The following PTBP2 variants were observed in gnomAD, a reference collection of about 807,000 sequenced individuals.
PTBP2 encodes the protein polypyrimidine tract-binding protein 2.
A neutral mutation model predicts 61.4 loss-of-function variants in PTBP2; 13 were observed. The observed-to-expected ratio is 0.21, with a 90% CI of 0.14 to 0.34. The LOEUF is 0.34. PTBP2 is among the 10% of genes least tolerant of loss of function. The probability of loss-of-function intolerance (pLI) is 1.00; values close to 1 mark genes in which losing one functional copy is unlikely to be tolerated. For missense variants in PTBP2, 405 were observed against 642.6 expected (o/e 0.63, Z 4.00); for synonymous variants, 215 against 218.5 (o/e 0.98, Z 0.14).
chr1:96,743,271 C>T (rs995284478), intron 2 of PTBP2, among the ~76,000 whole-genome samples: 2 of 118,452 alleles, frequency 1.7e-5, no homozygotes, highest in Admixed American at 8.5e-5. Flanking sequence ...AGCAAGACTC[C>T]GTCTTAAAAA....
intron 3 of PTBP2, among the ~76,000 whole-genome samples, chr1:96,759,907 T>C (rs1344828181): frequency 2.6e-5 from 4 of 152,138 alleles, no homozygotes. Context: ...CTCATAATCA[T>C]GGTGGAAGGC....
At chr1:96,762,455 C>T (rs1272938715) in intron 3 of PTBP2, among the ~76,000 whole-genome samples, 1 of 146,388 alleles carries the variant, frequency 6.8e-6, no homozygotes, top group Non-Finnish European at 1.5e-5. Flanking sequence ...CTGACCCCCC[C>T]ACCTCCCTCC....
In PTBP2 at chr1:96,743,478, G is replaced by A. The variant is rs545154905; in HGVS notation, c.40-7947G>A. Among the ~76,000 whole-genome samples, 311 of 152,170 alleles carry A rather than the reference G, an allele frequency of 2.0e-3. 1 individual carries two copies. The highest frequency in any genetic ancestry group is 3.6e-3 in the Non-Finnish European group (245 of 68,010). On this transcript the variant is annotated intron_variant, in intron 2 of 13. Transcript: ENST00000674951. ...CAGCTTGCTCCATCTATTACAGAGCGCATCATCCTTTCACCTAATAGTTTT... is the reference window on the plus strand; with the variant it reads ...CAGCTTGCTCCATCTATTACAGAGCACATCATCCTTTCACCTAATAGTTTT...
chr1:96,743,805 A>T (rs532031854), intron 2 of PTBP2, among the ~76,000 whole-genome samples: 45 of 152,004 alleles, frequency 3.0e-4, no homozygotes, highest in Admixed American at 2.8e-3. Flanking sequence ...TCTTTTTTTT[A>T]AATTTCTAAG....
chr1:96,780,402 A>T (rs1016422344), intron 7 of PTBP2, among the ~76,000 whole-genome samples: 3 of 151,858 alleles, frequency 2.0e-5, no homozygotes, highest in Non-Finnish European at 2.9e-5. Flanking sequence ...TAAATAGTCT[A>T]TCTTTGTTGT....
At chr1:96,734,381 C>T (rs978960302) in intron 2 of PTBP2, among the ~76,000 whole-genome samples, 3 of 151,890 alleles carry the variant, frequency 2.0e-5, no homozygotes, top group Non-Finnish European at 4.4e-5. Flanking sequence ...AGGACACACA[C>T]ACAAAGTTAC....
intron 2 of PTBP2, among the ~76,000 whole-genome samples, chr1:96,731,830 A>T (rs899264564): frequency 6.6e-6 from 1 of 152,068 alleles, no homozygotes; most frequent in Non-Finnish European, 1.5e-5. Context: ...GTAATTTGTA[A>T]TATCAGGGGT....
chr1:96,773,123 CAAAAAAAAAA>C (rs563241972), intron 5 of PTBP2, among the ~76,000 whole-genome samples: 18 of 88,272 alleles, frequency 2.0e-4, no homozygotes, highest in Non-Finnish European at 2.8e-4. Flanking sequence ...GACTCTATCT[CAAAAAAAAAA>C]AAAAAAAAAA....
rs1445719065 is a variant in PTBP2 at position 96,724,973 on chromosome 1, G to T, written c.39+1379G>T. On this transcript the variant is annotated intron_variant, in intron 2 of 13. Transcript: ENST00000674951. The stretch of plus-strand genomic sequence containing the variant: ...CTTTCCTATAGTGAAATAGATATTT[G>T]CCCATTCTTTAGGCTTGTTTCTTGA... 2.6e-5 allele frequency among the ~76,000 whole-genome samples: 4 copies of T among 152,008 alleles called. No homozygotes were observed. The South Asian group carries it at 6.2e-4, about 24-fold the overall frequency.
chr1:96,760,023 C>A (rs976805357), intron 3 of PTBP2, among the ~76,000 whole-genome samples: 3 of 152,132 alleles, frequency 2.0e-5, no homozygotes, highest in African/African-American at 7.2e-5. Context: ...ACTTCACTGT[C>A]ACGAGAACAG....
chr1:96,770,163 T>C (rs1458032058), intron 4 of PTBP2, among the ~76,000 whole-genome samples: 1 of 152,068 alleles, frequency 6.6e-6, no homozygotes, highest in Non-Finnish European at 1.5e-5. Context: ...GTGGCTCTGT[T>C]CTTTGGTATC....
downstream of PTBP2, chr1:96,815,177 A>C (rs780502161): frequency 1.5e-5 from 2 of 133,096 alleles, no homozygotes; most frequent in African/African-American, 2.9e-5. Flanking sequence ...TGTTAATTCT[A>C]TCTCTTTTGT....
chr1:96,727,635 C>T (rs1455806391), intron 2 of PTBP2, among the ~76,000 whole-genome samples: 2 of 152,064 alleles, frequency 1.3e-5, no homozygotes, highest in Admixed American at 1.3e-4. Flanking sequence ...TTGCATTCCT[C>T]TAATATCTAT....
Position 96,770,721 on chromosome 1 carries a change from T to G in PTBP2, c.302T>G (p.Leu101Arg), listed in dbSNP as rs1472873269. 6.2e-7 allele frequency: 1 copy of G among 1,611,246 alleles called. No individual in the cohort carries two copies. Among genetic ancestry groups the G allele is most frequent in the Non-Finnish European group, 8.5e-7 (1 of 1,178,578 alleles). ...LKGKNQAFLE[L>R]ATEEAAITMV... ...TTAAATTTTCAGGCATTTTTGGAAC[T>G]AGCAACCGAGGAAGCAGCTATTACT... The change falls in exon 5 of 14, where the codon CTA (leucine) becomes CGA (arginine). Residue 101 changes from leucine (L) to arginine (R), a missense_variant. Leu to Arg is a moderately radical substitution (Grantham distance 102, BLOSUM62 -2). Coordinates refer to ENST00000674951, the MANE Select transcript of PTBP2 (RefSeq NM_021190.4).
intron 11 of PTBP2, among the ~76,000 whole-genome samples, chr1:96,810,964 T>A (rs1416838527): frequency 6.6e-6 from 1 of 152,144 alleles, no homozygotes; most frequent in Non-Finnish European, 1.5e-5. Flanking sequence ...GTGAGAAGAT[T>A]GTTTTGTTTT....
At chr1:96,787,082 G>A (rs12080118) in intron 8 of PTBP2, among the ~76,000 whole-genome samples, 1,704 of 152,116 alleles carry the variant, frequency 0.011, 34 homozygotes, top group African/African-American at 0.039. Flanking sequence ...GTGTGGTGGC[G>A]CAGTCTCGGC....
intron 2 of PTBP2, among the ~76,000 whole-genome samples, chr1:96,734,664 C>T (rs1440856386): frequency 1.3e-5 from 2 of 151,444 alleles, no homozygotes; most frequent in African/African-American, 2.4e-5. Context: ...TTACTGATTG[C>T]GTTATGATTT....
At chr1:96,731,139 A>G (rs1276602028) in intron 2 of PTBP2, among the ~76,000 whole-genome samples, 1 of 152,168 alleles carries the variant, frequency 6.6e-6, no homozygotes. Flanking sequence ...TTAGTTTCCT[A>G]CATCGATGGA....
At chr1:96,812,164 A>T (rs762320913) in intron 11 of PTBP2, among the ~76,000 whole-genome samples, 4 of 152,214 alleles carry the variant, frequency 2.6e-5, no homozygotes, top group Admixed American at 6.5e-5. Context: ...CTTTGTCCTT[A>T]AGGGTTTTAA....
Sources: allele counts gnomAD v4.1 joint callset (sites outside exome capture counted in the v4.1 genomes callset), GRCh38; gene constraint gnomAD v4.1.1; transcripts MANE v1.5; gene names NCBI Gene and HGNC (gene_info 2026-07-23, HGNC 2026-07-21).